Variants in FNDC1 observed in about 807,000 individuals in gnomAD.
FNDC1 encodes the protein fibronectin type III domain containing 1.
Under a neutral mutation model 168.0 loss-of-function variants are expected in FNDC1, and 96 were observed. The observed-to-expected ratio is 0.57, with a 90% CI of 0.48 to 0.68. FNDC1 has a LOEUF of 0.68. Ranked by LOEUF, FNDC1 falls within the 30% of genes least tolerant of loss-of-function variation. FNDC1 has a pLI of 0.00. For missense variants in FNDC1, 2,587 were observed against 2,482.1 expected (o/e 1.04, Z -0.90); for synonymous variants, 1,099 against 1,025.9 (o/e 1.07, Z -1.36).
At chr6:159,191,904 C>T (rs1684985824) in intron 1 of FNDC1, among the ~76,000 whole-genome samples, 1 of 152,088 alleles carries the variant, frequency 6.6e-6, no homozygotes, top group Admixed American at 6.5e-5. Context: ...CACTCTGTCG[C>T]CCAGGCTAGG....
At chr6:159,185,562 G>C (rs756157781) in intron 1 of FNDC1, among the ~76,000 whole-genome samples, 27 of 152,314 alleles carry the variant, frequency 1.8e-4, no homozygotes, top group South Asian at 1.7e-3. Context: ...ACATAGCCTT[G>C]TTCCATTTTC....
chr6:159,233,290 A>G lies in FNDC1; in HGVS notation c.2778A>G (p.Pro926=). 1 of 1,613,920 alleles carries G rather than the reference A, an allele frequency of 6.2e-7. No homozygotes were observed. The highest frequency in any genetic ancestry group is 1.1e-5 in the South Asian group (1 of 91,076). Residue 926 remains proline (P), a synonymous_variant, in exon 11 of 23, where the codon CCA becomes CCG. Transcript: ENST00000297267. The surrounding 1 kb of genome is among the most constrained non-coding windows in gnomAD (Gnocchi z 4.6). ...GCCTGCATCGGAAGGAACCCATCCC[A>G]GAGAACCCCAAATCCACAGGGGCAG... The part of the protein sequence containing the change: ...GASLHRKEPI[P]ENPKSTGADT...
At chr6:159,196,156 C>T (rs532142900) in intron 1 of FNDC1, among the ~76,000 whole-genome samples, 80 of 152,346 alleles carry the variant, frequency 5.3e-4, no homozygotes, top group Non-Finnish European at 9.4e-4. Context: ...CATGAGCCTA[C>T]TTACCTGTGA....
At chr6:159,175,441 T>C (rs1781742252) in intron 1 of FNDC1, among the ~76,000 whole-genome samples, 1 of 152,218 alleles carries the variant, frequency 6.6e-6, no homozygotes. Flanking sequence ...TTTGAGCTTT[T>C]ACTGTATCTC....
chr6:159,239,669 C>T lies in FNDC1; in HGVS notation c.4333C>T (p.His1445Tyr). The T allele has an allele frequency of 6.4e-7, 1 of 1,551,666 alleles. No individual in the cohort carries two copies. Among genetic ancestry groups the T allele is most frequent in the Middle Eastern group, 1.7e-4 (1 of 5,936 alleles). The stretch of plus-strand genomic sequence containing the variant: ...CTTGGAGGTCATCAAAAAAACCACC[C>T]ATCCCCCTACCACTACCATGCAGCC... Reference protein sequence around the residue: ...VGLEVIKKTTHPPTTTMQPTT... With the variant: ...VGLEVIKKTTYPPTTTMQPTT... Residue 1445 changes from histidine to tyrosine, a missense_variant, in exon 14 of 23, where the codon CAT becomes TAT. Physicochemically the swap from His to Tyr is moderately conservative, Grantham distance 83 (BLOSUM62 2). Coordinates refer to ENST00000297267, the MANE Select transcript of FNDC1 (RefSeq NM_032532.3).
At chr6:159,201,001 G>A (rs1782367503) in intron 4 of FNDC1, among the ~76,000 whole-genome samples, 1 of 152,134 alleles carries the variant, frequency 6.6e-6, no homozygotes, top group Non-Finnish European at 1.5e-5. Context: ...TACAACCTTG[G>A]GATATTTTGT....
chr6:159,232,712 C>T lies in FNDC1; in HGVS notation c.2200C>T (p.Pro734Ser). 6.2e-7 allele frequency: 1 copy of T among 1,613,942 alleles called. No individual in the cohort carries two copies. Among genetic ancestry groups the T allele is most frequent in the South Asian group, 1.1e-5 (1 of 91,080 alleles). Residue 734 changes from proline to serine, a missense_variant, in exon 11 of 23, where the codon CCA becomes TCA. Physicochemically the swap from Pro to Ser is moderately conservative, Grantham distance 74. Coordinates refer to ENST00000297267, the MANE Select transcript of FNDC1 (RefSeq NM_032532.3). The surrounding 1 kb of genome is among the most constrained non-coding windows in gnomAD (Gnocchi z 4.9). ...ATCATCTCGGCTGCTGCCCACCCAG[C>T]CACACCTGAGCTCTCCACTTTCCAA... ...GGSSRLLPTQ[P>S]HLSSPLSKGG...
At chr6:159,235,763 G>C (rs1166493444) in intron 11 of FNDC1, among the ~76,000 whole-genome samples, 1 of 152,210 alleles carries the variant, frequency 6.6e-6, no homozygotes, top group Non-Finnish European at 1.5e-5. Context: ...TATACTCGGC[G>C]ATTGGTGATT....
intron 8 of FNDC1, 26 bp downstream of exon 8, chr6:159,225,748 T>A: frequency 6.4e-7 from 1 of 1,551,604 alleles, no homozygotes; most frequent in South Asian, 1.2e-5. Context: ...GGCCTTTGAA[T>A]TTTCAATTTG....
At chr6:159,214,015 A>C (rs796603023) in intron 4 of FNDC1, among the ~76,000 whole-genome samples, 16 of 152,342 alleles carry the variant, frequency 1.1e-4, no homozygotes, top group African/African-American at 3.6e-4. Context: ...TTCCAATCTA[A>C]TAAAATTAGT....
intron 1 of FNDC1, among the ~76,000 whole-genome samples, chr6:159,175,624 G>A (rs1272550606): frequency 6.6e-6 from 1 of 152,248 alleles, no homozygotes; most frequent in African/African-American, 2.4e-5. Context: ...CAAAGTGGCA[G>A]TGAATGTAGC....
intron 18 of FNDC1, among the ~76,000 whole-genome samples, chr6:159,257,292 T>C (rs1246370628): frequency 5.3e-5 from 8 of 152,162 alleles, no homozygotes; most frequent in African/African-American, 1.9e-4. Context: ...ACCAAGCACT[T>C]GAGGGTCAAG....
chr6:159,207,102 C>T (rs1033915037), intron 4 of FNDC1, among the ~76,000 whole-genome samples: 1 of 151,840 alleles, frequency 6.6e-6, no homozygotes, highest in Non-Finnish European at 1.5e-5. Flanking sequence ...CCTGCTGGCA[C>T]CCCCCCACCC....
chr6:159,176,250 T>A (rs1172725672), intron 1 of FNDC1, among the ~76,000 whole-genome samples: 1 of 152,054 alleles, frequency 6.6e-6, no homozygotes, highest in African/African-American at 2.4e-5. Flanking sequence ...TTTGTGTGAG[T>A]CTCCATTTGA....
chr6:159,169,761 GC>G lies in FNDC1; in HGVS notation c.109+57del. On this transcript the variant is annotated intron_variant, in intron 1 of 22. Coordinates refer to ENST00000297267, the MANE Select transcript of FNDC1 (RefSeq NM_032532.3). This position sits in a 1 kb window ranked among gnomAD's most constrained non-coding sequence, Gnocchi z 6.8. ...CTCAGCTCCCCGCGCACCCTCCTGC[GC>G]TCGGGCCCCGTCGTCCCGCTCAGTG... 1.4e-6 allele frequency: 1 copy of G among 698,776 alleles called. No homozygotes were observed. Among genetic ancestry groups the G allele is most frequent in the Non-Finnish European group, 1.9e-6 (1 of 529,960 alleles). The allele number at this position is 698,776 out of a possible 1,614,324, so 43.3% of individuals were successfully genotyped here. A position where few individuals can be genotyped will look rare whatever the true frequency, so the allele number is the denominator to read the frequency against.
At chr6:159,251,119 A>G (rs1428758083) in intron 16 of FNDC1, among the ~76,000 whole-genome samples, 183 bp from the exon 17 acceptor site, 1 of 152,182 alleles carries the variant, frequency 6.6e-6, no homozygotes, top group Non-Finnish European at 1.5e-5. Context: ...TGAAAGACAC[A>G]AACACATGGA....
chr6:159,170,829 C>A (rs995911280), intron 1 of FNDC1, among the ~76,000 whole-genome samples: 1 of 152,198 alleles, frequency 6.6e-6, no homozygotes, highest in African/African-American at 2.4e-5. Flanking sequence ...GGGTCTTTTT[C>A]TTCCCATTAG....
intron 1 of FNDC1, among the ~76,000 whole-genome samples, chr6:159,192,764 A>C (rs893918214): frequency 8.6e-5 from 13 of 151,688 alleles, no homozygotes; most frequent in African/African-American, 3.2e-4. Context: ...AGCATCCCAC[A>C]CTCCTCTCCC....
rs1377608116 is a variant in FNDC1 at position 159,271,353 on chromosome 6, C to A, written c.5596C>A (p.Pro1866Thr). The A allele has an allele frequency of 6.2e-7, 1 of 1,611,436 alleles. No homozygotes were observed. Among genetic ancestry groups the A allele is most frequent in the East Asian group, 2.2e-5 (1 of 44,808 alleles). Residue 1866 changes from proline (P) to threonine (T), a missense_variant, in exon 23 of 23, where the codon CCT becomes ACT. Coordinates refer to ENST00000297267, the MANE Select transcript of FNDC1 (RefSeq NM_032532.3). Reference protein sequence around the residue: ...QGYYRQYRQEPVRFGNIGFGT... With the variant: ...QGYYRQYRQETVRFGNIGFGT... ...CTACTATCGCCAGTATCGTCAGGAGCCTGTCAGGTTTGGGAACATCGGCTT... is the reference window on the plus strand; with the variant it reads ...CTACTATCGCCAGTATCGTCAGGAGACTGTCAGGTTTGGGAACATCGGCTT...
Sources: gnomAD v4.1 joint callset for allele counts (sites outside exome capture counted in the v4.1 genomes callset) on GRCh38, gnomAD v4.1.1 for gene constraint, Gnocchi (gnomAD v3.1) non-coding constraint, MANE v1.5 for transcripts, NCBI Gene and HGNC (gene_info 2026-07-23, HGNC 2026-07-21) for gene names.